Variants in KNL1 observed in about 807,000 individuals in gnomAD.
KNL1 encodes outer kinetochore KNL1 complex subunit KNL1.
Under a neutral mutation model 201.3 loss-of-function variants are expected in KNL1, and 66 were observed. The ratio of observed to expected loss-of-function variants is 0.33; its 90% CI spans 0.27 to 0.40. The LOEUF (loss-of-function observed/expected upper bound fraction) is 0.40, where lower values mean the gene tolerates loss of function less well. Ranked by LOEUF, KNL1 falls within the 10% of genes least tolerant of loss-of-function variation. The probability of loss-of-function intolerance (pLI) is 1.00; values close to 1 mark genes in which losing one functional copy is unlikely to be tolerated. For missense variants in KNL1, 2,815 were observed against 2,690.5 expected, an observed-to-expected ratio of 1.05 and a Z score of -1.02; for synonymous variants, 895 against 899.2, an observed-to-expected ratio of 1.00 and a Z score of 0.08.
In KNL1 at chr15:40,624,126, A is replaced by T; in HGVS notation, c.3862A>T (p.Thr1288Ser). The T allele has an allele frequency of 6.2e-7, 1 of 1,614,070 alleles. No homozygotes were observed. Among genetic ancestry groups the T allele is most frequent in the Non-Finnish European group, 8.5e-7 (1 of 1,179,950 alleles). ...NNRDRRNVDF[T>S]SSHATAVCGS... ...TAGAGATAGAAGAAATGTGGACTTT[A>T]CAAGTAGTCATGCAACTGCTGTTTG... Residue 1288 changes from threonine (T) to serine (S), a missense_variant, in exon 10 of 26, where the codon ACA (threonine) becomes TCA (serine). Thr to Ser is a moderately conservative substitution (Grantham distance 58). This residue lies in a region of KNL1 where 2,464 missense variants were observed against 2,291.7 expected (regional missense o/e 1.08). Transcript: ENST00000399668.
At chr15:40,620,402 G>A (rs894691770) in intron 9 of KNL1, among the ~76,000 whole-genome samples, 13 of 151,826 alleles carry the variant, frequency 8.6e-5, no homozygotes, top group African/African-American at 2.2e-4. Flanking sequence ...TAGTAGAGAC[G>A]GGGTTTCACC....
intron 13 of KNL1, among the ~76,000 whole-genome samples, chr15:40,638,249 G>C (rs1893116735): frequency 1.2e-5 from 1 of 80,434 alleles, no homozygotes; most frequent in Admixed American, 1.3e-4. Flanking sequence ...GAGGGGAAGG[G>C]AGGGGGGAGG....
intron 7 of KNL1, among the ~76,000 whole-genome samples, chr15:40,612,485 C>CT (rs1033749647): frequency 3.3e-5 from 5 of 151,858 alleles, no homozygotes; most frequent in Non-Finnish European, 7.4e-5. Flanking sequence ...GAGCGAGACT[C>CT]TGTCTCCAAA....
rs200234622 is a variant in KNL1, at chr15:40,606,406, C to T, written c.89C>T (p.Pro30Leu). The change falls in exon 4 of 26, where the codon CCA (proline) becomes CTA (leucine). Residue 30 changes from proline (P) to leucine (L), a missense_variant. Pro to Leu is a moderately conservative substitution (Grantham distance 98, BLOSUM62 -3). Transcript: ENST00000399668. Reference sequence around the variant, plus strand: ...TTGTTACCCTAGATATTGAAACCCCCAAGGAGTCCTCTTCAGGACCTCAGA... The same window carrying T: ...TTGTTACCCTAGATATTGAAACCCCTAAGGAGTCCTCTTCAGGACCTCAGA... ...RRRHSSILKP[P>L]RSPLQDLRGG... 247 of 1,578,184 alleles carry T rather than the reference C, an allele frequency of 1.6e-4. No homozygotes were observed. Among genetic ancestry groups the T allele is most frequent in the Middle Eastern group, 6.8e-4 (4 of 5,866 alleles).
chr15:40,651,983 A>T, intron 20 of KNL1, 22 bp from the exon 21 acceptor site: 1 of 1,577,578 alleles, frequency 6.3e-7, no homozygotes, highest in Non-Finnish European at 8.7e-7. Context: ...GCTTTTTAAA[A>T]ATCTTGTTTA....
At chr15:40,610,056 A>G (rs1892103890) in intron 5 of KNL1, among the ~76,000 whole-genome samples, 189 bp from the exon 6 acceptor site, 1 of 152,220 alleles carries the variant, frequency 6.6e-6, no homozygotes, top group African/African-American at 2.4e-5. Context: ...AAATAAAAAC[A>G]AAACTATAGC....
intron 1 of KNL1, among the ~76,000 whole-genome samples, chr15:40,600,878 A>G (rs373798134): frequency 1.2e-4 from 19 of 152,360 alleles, no homozygotes; most frequent in African/African-American, 2.9e-4. Context: ...TTCCAGGGCA[A>G]ATACTCACTG....
At chr15:40,612,871 C>T (rs1182288286) in intron 7 of KNL1, among the ~76,000 whole-genome samples, 5 of 152,076 alleles carry the variant, frequency 3.3e-5, no homozygotes, top group Admixed American at 6.6e-5. Flanking sequence ...AAAGTCACTC[C>T]GTGCTAGTGG....
chr15:40,606,412 G>A lies in KNL1; in HGVS notation c.95G>A (p.Ser32Asn), dbSNP rs973068795. 2.5e-6 allele frequency: 4 copies of A among 1,581,894 alleles called. No individual in the cohort carries two copies. In the African/African-American group the frequency reaches 4.0e-5, roughly 16 times the overall value. ...RHSSILKPPR[S>N]PLQDLRGGNE... Reference sequence around the variant, plus strand: ...CCCTAGATATTGAAACCCCCAAGGAGTCCTCTTCAGGACCTCAGAGGTGGG... The same window carrying A: ...CCCTAGATATTGAAACCCCCAAGGAATCCTCTTCAGGACCTCAGAGGTGGG... The change falls in exon 4 of 26, where the codon AGT becomes AAT. Residue 32 changes from serine to asparagine, a missense_variant. This residue lies in a region of KNL1 where 2,464 missense variants were observed against 2,291.7 expected (regional missense o/e 1.08). Coordinates refer to ENST00000399668, the MANE Select transcript of KNL1 (RefSeq NM_144508.5).
intron 13 of KNL1, among the ~76,000 whole-genome samples, chr15:40,633,841 A>G (rs1892982158): frequency 6.6e-6 from 1 of 152,048 alleles, no homozygotes; most frequent in African/African-American, 2.4e-5. Flanking sequence ...CCCAGCCCTT[A>G]TCGTTATTTT....
At position 40,655,624 on chromosome 15, in the gene KNL1, A is replaced by G. The variant is rs1226450518; in HGVS notation, c.6484+647A>G. On this transcript the variant is annotated intron_variant, in intron 22 of 25. Coordinates refer to ENST00000399668, the MANE Select transcript of KNL1 (RefSeq NM_144508.5). Reference sequence around the variant, plus strand: ...AAAAAAAAAAAAAGATTTAAAAAAAATTATTACATGCCGGGCATGGTGGCT... The same window carrying G: ...AAAAAAAAAAAAAGATTTAAAAAAAGTTATTACATGCCGGGCATGGTGGCT... Among the ~76,000 whole-genome samples the G allele has an allele frequency of 2.0e-5, 3 of 149,346 alleles. No individual in the cohort carries two copies. The East Asian group carries it at 5.9e-4, about 29-fold the overall frequency.
At chr15:40,639,183 A>C (rs1377543498) in intron 13 of KNL1, among the ~76,000 whole-genome samples, 27 of 145,864 alleles carry the variant, frequency 1.9e-4, no homozygotes, top group African/African-American at 6.6e-4. Context: ...GGCTGGGTGC[A>C]GTGGCTCATG....
At chr15:40,632,305 A>G (rs976653393) in intron 13 of KNL1, among the ~76,000 whole-genome samples, 1 of 152,026 alleles carries the variant, frequency 6.6e-6, no homozygotes, top group African/African-American at 2.4e-5. Context: ...CTCATAGATT[A>G]AAAGAGACTA....
At chr15:40,597,868 G>T (rs1429093624) in intron 1 of KNL1, among the ~76,000 whole-genome samples, 1 of 152,100 alleles carries the variant, frequency 6.6e-6, no homozygotes, top group African/African-American at 2.4e-5. Flanking sequence ...TTGAACATGT[G>T]CACTGAATTT....
chr15:40,613,947 G>GCCA (rs961849002), intron 7 of KNL1, among the ~76,000 whole-genome samples: 14 of 147,946 alleles, frequency 9.5e-5, no homozygotes, highest in African/African-American at 3.5e-4. Flanking sequence ...ACAGGCGCCT[G>GCCA]CCACCACGCC....
intron 15 of KNL1, 28 bp from the exon 16 acceptor site, chr15:40,645,626 TAC>T (rs1467415919): frequency 1.6e-6 from 2 of 1,266,332 alleles, no homozygotes; most frequent in Non-Finnish European, 2.3e-6. Flanking sequence ...TTTGTTTTAG[TAC>T]AGTGTTCTCT....
At chr15:40,636,564 C>T (rs966556048) in intron 13 of KNL1, among the ~76,000 whole-genome samples, 1 of 152,166 alleles carries the variant, frequency 6.6e-6, no homozygotes, top group African/African-American at 2.4e-5. Context: ...TGCTATGGCT[C>T]ATACCTGTAA....
At chr15:40,608,094 A>G (rs1892032931) in intron 4 of KNL1, among the ~76,000 whole-genome samples, 1 of 152,186 alleles carries the variant, frequency 6.6e-6, no homozygotes, top group African/African-American at 2.4e-5. Context: ...GGTAATATAT[A>G]CATGCAGTGA....
chr15:40,606,097 G>C (rs988418265), intron 3 of KNL1, among the ~76,000 whole-genome samples: 1 of 152,172 alleles, frequency 6.6e-6, no homozygotes, highest in Non-Finnish European at 1.5e-5. Context: ...ATTGACAAGA[G>C]AATATCAGAT....
Sources: gnomAD v4.1 joint callset for allele counts (sites outside exome capture counted in the v4.1 genomes callset) on GRCh38, gnomAD v4.1.1 for gene constraint, gnomAD v4.1.1 regional missense constraint, MANE v1.5 for transcripts, NCBI Gene and HGNC (gene_info 2026-07-23, HGNC 2026-07-21) for gene names.